CCSER1: variants seen among roughly 807,000 people sequenced by gnomAD.
CCSER1 encodes coiled-coil serine rich protein 1.
In CCSER1, 41 loss-of-function variants were observed where a neutral mutation model predicts 82.0. The ratio of observed to expected loss-of-function variants is 0.50; its 90% CI spans 0.39 to 0.65. The LOEUF (loss-of-function observed/expected upper bound fraction) is 0.65. CCSER1 is among the 30% of genes least tolerant of loss of function. The pLI is 0.00. For synonymous variants in CCSER1, 414 were observed against 383.9 expected, an observed-to-expected ratio of 1.08 and a Z score of -0.92; for missense variants, 1,119 against 1,064.2, an observed-to-expected ratio of 1.05 and a Z score of -0.72.
chr4:90,380,993 G>T (rs1749114146), intron 3 of CCSER1, among the ~76,000 whole-genome samples: 1 of 152,232 alleles, frequency 6.6e-6, no homozygotes. Context: ...CACTAGCCTG[G>T]ACCAGAGTTG....
chr4:91,181,125 G>A (rs1733991472), intron 10 of CCSER1, among the ~76,000 whole-genome samples: 1 of 152,224 alleles, frequency 6.6e-6, no homozygotes, highest in African/African-American at 2.4e-5. Context: ...TTACAGTGCT[G>A]CAGAGATTTT....
intron 9 of CCSER1, among the ~76,000 whole-genome samples, chr4:91,016,008 G>A (rs895256216): frequency 2.8e-4 from 43 of 151,826 alleles, no homozygotes; most frequent in African/African-American, 8.9e-4. Flanking sequence ...ATGTTCATTC[G>A]TCTGAATACT....
intron 9 of CCSER1, among the ~76,000 whole-genome samples, chr4:90,957,516 CATA>C (rs1231254269): frequency 5.6e-5 from 6 of 107,464 alleles, no homozygotes; most frequent in African/African-American, 1.6e-4. Flanking sequence ...TATAATATAA[CATA>C]ATATCATATA....
chr4:91,074,571 ACTG>A (rs776289233), intron 9 of CCSER1, among the ~76,000 whole-genome samples: 9 of 152,320 alleles, frequency 5.9e-5, no homozygotes, highest in Non-Finnish European at 1.0e-4. Flanking sequence ...TTATGATAGA[ACTG>A]CTGAAACAAT....
intron 10 of CCSER1, among the ~76,000 whole-genome samples, chr4:91,383,622 T>C (rs759971153): frequency 1.5e-4 from 23 of 152,158 alleles, no homozygotes; most frequent in Non-Finnish European, 2.4e-4. Flanking sequence ...AGTTTCAAAG[T>C]TGAGTAATTA....
chr4:90,291,519 T>G (rs780568255), intron 1 of CCSER1, among the ~76,000 whole-genome samples: 1 of 152,022 alleles, frequency 6.6e-6, no homozygotes, highest in African/African-American at 2.4e-5. Context: ...TTCTGTCAAA[T>G]TAGCAATATA....
chr4:90,155,750 G>A (rs1310956977), intron 1 of CCSER1, among the ~76,000 whole-genome samples: 1 of 152,056 alleles, frequency 6.6e-6, no homozygotes, highest in African/African-American at 2.4e-5. Flanking sequence ...GCGTTTATTT[G>A]ATTCTTCTCT....
chr4:90,861,186 A>T (rs968021038), intron 8 of CCSER1, among the ~76,000 whole-genome samples: 1 of 151,724 alleles, frequency 6.6e-6, no homozygotes, highest in Non-Finnish European at 1.5e-5. Flanking sequence ...GCAGAAAAAG[A>T]TGCAAACCTC....
At chr4:91,286,812 T>C (rs188655821) in intron 10 of CCSER1, among the ~76,000 whole-genome samples, 2 of 151,978 alleles carry the variant, frequency 1.3e-5, no homozygotes, top group East Asian at 3.9e-4. Context: ...TCGTAATGTA[T>C]TCAACAATTC....
intron 5 of CCSER1, among the ~76,000 whole-genome samples, chr4:90,610,125 C>A (rs1160233436): frequency 6.6e-6 from 1 of 151,860 alleles, no homozygotes; most frequent in African/African-American, 2.4e-5. Flanking sequence ...TGGTGGCGGG[C>A]ACCTGTAGTC....
intron 5 of CCSER1, among the ~76,000 whole-genome samples, chr4:90,528,530 A>G (rs1774073169): frequency 1.3e-5 from 2 of 152,140 alleles, no homozygotes. Context: ...TAGAAATTTG[A>G]TTTTATTCAG....
At chr4:91,556,374 A>G (rs1313866348) in intron 10 of CCSER1, among the ~76,000 whole-genome samples, 2 of 150,992 alleles carry the variant, frequency 1.3e-5, no homozygotes, top group Non-Finnish European at 3.0e-5. Context: ...AAACTTAAAG[A>G]ACACAGTGGA....
At chr4:91,473,384 T>A (rs1382952762) in intron 10 of CCSER1, among the ~76,000 whole-genome samples, 3 of 152,132 alleles carry the variant, frequency 2.0e-5, no homozygotes, top group African/African-American at 7.2e-5. Flanking sequence ...TCATCCACAG[T>A]AGAAATCACA....
intron 7 of CCSER1, among the ~76,000 whole-genome samples, chr4:90,756,488 G>T (rs1749549046): frequency 6.6e-6 from 1 of 152,042 alleles, no homozygotes; most frequent in Non-Finnish European, 1.5e-5. Context: ...ATTGAAGTTA[G>T]CCAGTAAGAA....
At chr4:91,133,554 T>G (rs1409998793) in intron 10 of CCSER1, among the ~76,000 whole-genome samples, 1 of 152,150 alleles carries the variant, frequency 6.6e-6, no homozygotes, top group East Asian at 1.9e-4. Context: ...TGGTATAAAC[T>G]TTTGATTTTT....
intron 5 of CCSER1, among the ~76,000 whole-genome samples, chr4:90,478,361 T>TAAAGACAG (rs1765386510): frequency 1.3e-5 from 2 of 152,204 alleles, no homozygotes; most frequent in Non-Finnish European, 2.9e-5. Context: ...CACTAGATAT[T>TAAAGACAG]AAAGACAGGT....
intron 10 of CCSER1, among the ~76,000 whole-genome samples, chr4:91,567,444 T>G (rs1762944454): frequency 6.6e-6 from 1 of 152,146 alleles, no homozygotes; most frequent in African/African-American, 2.4e-5. Context: ...TTTATTAAAT[T>G]TTCTGCTTCA....
chr4:91,378,452 A>C (rs183035819), intron 10 of CCSER1, among the ~76,000 whole-genome samples: 12 of 152,296 alleles, frequency 7.9e-5, no homozygotes, highest in African/African-American at 2.9e-4. Context: ...GTTCTCCTTG[A>C]AGAAGTCCTT....
chr4:90,796,079 C>G (rs4571297), intron 7 of CCSER1, among the ~76,000 whole-genome samples: 52,879 of 151,894 alleles, frequency 0.35, 9,559 homozygotes, highest in African/African-American at 0.46. Flanking sequence ...ACTGGCTCTT[C>G]CTGTACATCT....
Sources: allele counts gnomAD v4.1 joint callset (sites outside exome capture counted in the v4.1 genomes callset), GRCh38; gene constraint gnomAD v4.1.1; transcripts MANE v1.5; gene names NCBI Gene and HGNC (gene_info 2026-07-23, HGNC 2026-07-21).